The following INTS14 variants were observed in gnomAD, a reference collection of about 807,000 sequenced individuals.
INTS14 encodes UPF0464 protein C15orf44.
A neutral mutation model predicts 56.9 loss-of-function variants in INTS14; 27 were observed. That is an observed-to-expected ratio of 0.47 (90% CI 0.35 to 0.65). INTS14 has a LOEUF of 0.65. Among genes scored for constraint, INTS14 ranks in the 30% least tolerant of loss-of-function variants. The pLI, the probability that INTS14 is intolerant of heterozygous loss-of-function variation, is 0.00. For synonymous variants in INTS14, 207 were observed against 236.2 expected, an observed-to-expected ratio of 0.88 and a Z score of 1.13; for missense variants, 517 against 632.2, an observed-to-expected ratio of 0.82 and a Z score of 1.95.
chr15:65,594,372 C>T (rs1282319574), intron 7 of INTS14, among the ~76,000 whole-genome samples: 1 of 151,352 alleles, frequency 6.6e-6, no homozygotes, highest in Non-Finnish European at 1.5e-5. Flanking sequence ...CCCTACTCTG[C>T]TTTCCCATAT....
intron 4 of INTS14, 40 bp downstream of exon 4, chr15:65,599,734 A>T: frequency 6.2e-7 from 1 of 1,603,178 alleles, no homozygotes; most frequent in South Asian, 1.1e-5. Context: ...AAGCTGTAAA[A>T]TATGCCTAAT....
chr15:65,598,607 T>C (rs2073305451), intron 5 of INTS14, 144 bp from the exon 6 acceptor site: 2 of 953,240 alleles, frequency 2.1e-6, no homozygotes, highest in Admixed American at 3.0e-5. Context: ...AATCTGACAT[T>C]TTTGGTGAGG....
intron 9 of INTS14, among the ~76,000 whole-genome samples, chr15:65,587,530 A>T (rs1335194259): frequency 1.3e-5 from 2 of 152,352 alleles, no homozygotes; most frequent in Non-Finnish European, 2.9e-5. Context: ...ACATCATGTA[A>T]CAAGGACTGA....
At chr15:65,597,537 G>A (rs1362762476) in intron 6 of INTS14, among the ~76,000 whole-genome samples, 6 of 152,136 alleles carry the variant, frequency 3.9e-5, no homozygotes, top group African/African-American at 1.4e-4. Flanking sequence ...TTGGCAACAC[G>A]AACCAGGTAA....
Position 65,607,284 on chromosome 15 carries a change from G to A in INTS14, c.97C>T (p.His33Tyr), listed in dbSNP as rs1177180356. The change falls in exon 2 of 12, where the codon CAT becomes TAT. Residue 33 changes from histidine (H) to tyrosine (Y), a missense_variant. His to Tyr is a moderately conservative substitution (Grantham distance 83, BLOSUM62 2). Coordinates refer to ENST00000313182, the MANE Select transcript of INTS14 (RefSeq NM_001394796.1). The part of the protein sequence containing the change: ...EEYQRKHLAA[H>Y]GLTMLFEHMA... ...TGCTCAAACAGCATCGTTAAACCATGGGCTGCTAGGTGCTTACGCTGGTAT... is the reference window on the plus strand; with the variant it reads ...TGCTCAAACAGCATCGTTAAACCATAGGCTGCTAGGTGCTTACGCTGGTAT... 6.2e-7 allele frequency: 1 copy of A among 1,614,048 alleles called. No homozygotes were observed. The highest frequency in any genetic ancestry group is 2.2e-5 in the East Asian group (1 of 44,892).
intron 11 of INTS14, among the ~76,000 whole-genome samples, chr15:65,580,342 A>T (rs2072554092): frequency 6.6e-6 from 1 of 152,186 alleles, no homozygotes; most frequent in South Asian, 2.1e-4. Flanking sequence ...ATTATATAAA[A>T]CCAGAAAAGA....
intron 8 of INTS14, 135 bp downstream of exon 8, chr15:65,593,293 T>C: frequency 9.2e-7 from 1 of 1,092,404 alleles, no homozygotes; most frequent in South Asian, 1.7e-5. Flanking sequence ...TAGTAGCAGG[T>C]GGGAAAAGTG....
At position 65,598,454 on chromosome 15, in the gene INTS14, T is replaced by C; in HGVS notation, c.615A>G (p.Ile205Met). 2 of 1,613,504 alleles carry C rather than the reference T, an allele frequency of 1.2e-6. No individual in the cohort carries two copies. Among genetic ancestry groups the C allele is most frequent in the Non-Finnish European group, 1.7e-6 (2 of 1,179,682 alleles). ...KNVQSMFGKL[I>M]DLAYTPFHAV... ...CATGGAAAGGCGTATATGCCAAATC[T>C]ATCAGTTTTCTAGAATATGATAATT... is the stretch of plus-strand genomic sequence containing the variant. Residue 205 changes from isoleucine to methionine, a missense_variant, in exon 6 of 12, where the codon ATA (isoleucine) becomes ATG (methionine). Transcript: ENST00000313182.
chr15:65,598,991 C>A lies in INTS14; in HGVS notation c.487-1G>T, dbSNP rs763900231. On this transcript the variant is annotated splice_acceptor_variant, in intron 4 of 11. Coordinates refer to ENST00000313182, the MANE Select transcript of INTS14 (RefSeq NM_001394796.1). LOFTEE classifies it high-confidence loss of function. ...ATTCCAAGGAATCGGTGCTCTGGAG[C>A]TATAAAGCAAAACAGATGACCCTTA... is the stretch of plus-strand genomic sequence containing the variant. 3.1e-6 allele frequency: 5 copies of A among 1,611,812 alleles called. No homozygotes were observed. In the Admixed American group the frequency reaches 8.4e-5, roughly 27 times the overall value.
rs1284269682 is a variant in INTS14 at position 65,599,850 on chromosome 15, C to T, written c.410G>A (p.Ser137Asn). 1.9e-6 allele frequency: 3 copies of T among 1,614,188 alleles called. No individual in the cohort carries two copies. Among genetic ancestry groups the T allele is most frequent in the Non-Finnish European group, 2.5e-6 (3 of 1,180,026 alleles). ...RHSLATQNQR[S>N]ESNRFPLPFP... ...AGGTAGTGGAAACCTGTTGCTCTCA[C>T]TTCGTTGATTTTGAGTGGCTAGGGA... is the stretch of plus-strand genomic sequence containing the variant. The change falls in exon 4 of 12, where the codon AGT becomes AAT. Residue 137 changes from serine (S) to asparagine (N), a missense_variant. Coordinates refer to ENST00000313182, the MANE Select transcript of INTS14 (RefSeq NM_001394796.1).
chr15:65,587,227 A>G (rs1251084813), intron 9 of INTS14, among the ~76,000 whole-genome samples: 1 of 151,788 alleles, frequency 6.6e-6, no homozygotes, highest in Non-Finnish European at 1.5e-5. Context: ...TTTTTTCAGG[A>G]GGAGTTATGA....
intron 11 of INTS14, among the ~76,000 whole-genome samples, chr15:65,581,196 A>G (rs1464169134): frequency 6.6e-6 from 1 of 152,130 alleles, no homozygotes; most frequent in Non-Finnish European, 1.5e-5. Context: ...CCTGGCCAAC[A>G]TGGTGAAACC....
intron 7 of INTS14, among the ~76,000 whole-genome samples, chr15:65,594,045 C>T (rs929198656): frequency 3.9e-5 from 6 of 152,188 alleles, no homozygotes; most frequent in African/African-American, 1.4e-4. Flanking sequence ...CACAGTTCCA[C>T]TAGGATGTTT....
chr15:65,610,991 G>A lies in INTS14; in HGVS notation c.-63+107C>T, dbSNP rs1337816788. 6 of 1,499,204 alleles carry A rather than the reference G, an allele frequency of 4.0e-6. No homozygotes were observed. The African/African-American group carries it at 8.4e-5, about 21-fold the overall frequency. The allele number at this position is 1,499,204 out of a possible 1,614,324, so 92.9% of individuals were successfully genotyped here. On this transcript the variant is annotated intron_variant, in intron 1 of 11. Transcript: ENST00000313182. ...AGCGCGGGGCGGCCGCCACGGTGGCGGGAAGGCCAAGCGCTGGCCCTGGGT... is the reference window on the plus strand; with the variant it reads ...AGCGCGGGGCGGCCGCCACGGTGGCAGGAAGGCCAAGCGCTGGCCCTGGGT...
Position 65,611,077 on chromosome 15 carries a change from G to T in INTS14, c.-63+21C>A, listed in dbSNP as rs761975116. The T allele has an allele frequency of 1.0e-5, 16 of 1,535,570 alleles. No individual in the cohort carries two copies. In the South Asian group the frequency reaches 1.8e-4, roughly 17 times the overall value. On this transcript the variant is annotated intron_variant, in intron 1 of 11. Coordinates refer to ENST00000313182, the MANE Select transcript of INTS14 (RefSeq NM_001394796.1). Reference sequence around the variant, plus strand: ...AACAAGCAGCGAAAGGCAGTCCCGGGCCCTCGGCCTCCCCACTCACCCCGT... The same window carrying T: ...AACAAGCAGCGAAAGGCAGTCCCGGTCCCTCGGCCTCCCCACTCACCCCGT...
chr15:65,600,034 A>G lies in INTS14; in HGVS notation c.331-105T>C, dbSNP rs1009559455. The G allele has an allele frequency of 3.7e-4, 469 of 1,269,034 alleles. 1 individual carries two copies. Among genetic ancestry groups the G allele is most frequent in the Non-Finnish European group, 4.9e-4 (459 of 934,530 alleles). 78.6% of individuals were successfully genotyped at this position (1,269,034 alleles called of 1,614,324 possible). On this transcript the variant is annotated intron_variant, in intron 3 of 11. Transcript: ENST00000313182. ...CTAGAAAGGGGCACCAGGGCTGGCT[A>G]TGGTGGCTCAAGCCTGTAATCCCAG...
intron 7 of INTS14, among the ~76,000 whole-genome samples, chr15:65,594,845 T>C (rs2073157695): frequency 6.6e-6 from 1 of 152,156 alleles, no homozygotes. Flanking sequence ...AGAATAATAA[T>C]TACCAACACA....
At chr15:65,598,812 G>T in intron 5 of INTS14, 60 bp downstream of exon 5, 1 of 1,284,956 alleles carries the variant, frequency 7.8e-7, no homozygotes, top group Non-Finnish European at 1.1e-6. Flanking sequence ...AGTCTTCCTG[G>T]ATGTCAAATT....
intron 9 of INTS14, chr15:65,586,579 C>G (rs780517669): frequency 6.6e-6 from 1 of 152,162 alleles, no homozygotes; most frequent in Non-Finnish European, 1.5e-5. Flanking sequence ...CTATTTTGTA[C>G]TGTCATTAGT....
Sources: allele counts gnomAD v4.1 joint callset (sites outside exome capture counted in the v4.1 genomes callset), GRCh38; gene constraint gnomAD v4.1.1; transcripts MANE v1.5; gene names NCBI Gene and HGNC (gene_info 2026-07-23, HGNC 2026-07-21).